The following SLC9A1 variants were observed in gnomAD, a reference collection of about 807,000 sequenced individuals.
SLC9A1 encodes the protein sodium/hydrogen exchanger 1.
SLC9A1 carries 22 observed loss-of-function variants against 67.9 expected under a neutral mutation model. The ratio of observed to expected loss-of-function variants is 0.32; its 90% CI spans 0.23 to 0.46. The LOEUF (loss-of-function observed/expected upper bound fraction) is 0.46, where lower values mean the gene tolerates loss of function less well. Ranked by LOEUF, SLC9A1 falls within the 20% of genes least tolerant of loss-of-function variation. SLC9A1 has a pLI of 1.00. For missense variants in SLC9A1, 686 were observed against 1,094.8 expected, an observed-to-expected ratio of 0.63 and a Z score of 5.27; for synonymous variants, 421 against 471.8, an observed-to-expected ratio of 0.89 and a Z score of 1.40.
chr1:27,119,406 C>A (rs951342040), intron 1 of SLC9A1, among the ~76,000 whole-genome samples: 1 of 152,178 alleles, frequency 6.6e-6, no homozygotes, highest in Non-Finnish European at 1.5e-5. Context: ...CGCCCTACTT[C>A]CAGGCCTGAG....
rs3765514 is a variant in SLC9A1 at position 27,099,891 on chromosome 1, C to T, written c.*416G>A. ...TTGTCCCCTGATAAAGCAGGGCCTA[C>T]TCAAGGGAGGCCTCAGCTCCCTCCC... On this transcript the variant is annotated 3_prime_UTR_variant, in exon 12 of 12. Coordinates refer to ENST00000263980, the MANE Select transcript of SLC9A1 (RefSeq NM_003047.5). 829 of 171,192 alleles carry T rather than the reference C, an allele frequency of 4.8e-3. 28 individuals carry two copies. The East Asian group carries it at 0.11, about 22-fold the overall frequency. The allele number at this position is 171,192 out of a possible 1,614,324, so 10.6% of individuals were successfully genotyped here.
chr1:27,107,459 G>A (rs1348839924), intron 4 of SLC9A1, among the ~76,000 whole-genome samples, 189 bp downstream of exon 4: 6 of 122,216 alleles, frequency 4.9e-5, no homozygotes, highest in Admixed American at 7.9e-5. Context: ...CACGCAATAC[G>A]CATACACACA....
chr1:27,147,834 A>G (rs2083499758), intron 1 of SLC9A1, among the ~76,000 whole-genome samples: 2 of 152,056 alleles, frequency 1.3e-5, no homozygotes, highest in African/African-American at 4.8e-5. Context: ...ATCCCTACTA[A>G]AAATACAAAA....
intron 1 of SLC9A1, among the ~76,000 whole-genome samples, chr1:27,141,708 G>C (rs1468346684): frequency 6.6e-6 from 1 of 152,228 alleles, no homozygotes; most frequent in African/African-American, 2.4e-5. Flanking sequence ...GCAGTGCTCA[G>C]TCAGGGAAGC....
In SLC9A1 at chr1:27,100,782, GC is replaced by G. The variant is rs756281745; in HGVS notation, c.2111-139del. On this transcript the variant is annotated intron_variant, in intron 11 of 11. Transcript: ENST00000263980. The surrounding 1 kb of genome is among the most constrained non-coding windows in gnomAD (Gnocchi z 5.6). ...CGGTCCCAACAGGCCTCAGAAGCAG[GC>G]CTCTGCGACCTTCCACCCCACAGCT... The G allele has an allele frequency of 2.4e-5, 17 of 701,564 alleles. No homozygotes were observed. The highest frequency in any genetic ancestry group is 3.9e-5 in the Non-Finnish European group (16 of 414,888). The allele number at this position is 701,564 out of a possible 1,614,324, so 43.5% of individuals were successfully genotyped here.
At chr1:27,149,513 A>C (rs3118069) in intron 1 of SLC9A1, among the ~76,000 whole-genome samples, 2,098 of 152,378 alleles carry the variant, frequency 0.014, 43 homozygotes, top group African/African-American at 0.045. Flanking sequence ...AGGGCAGGCA[A>C]GGCCTAATGC....
At chr1:27,150,042 A>C (rs2124218025) in intron 1 of SLC9A1, among the ~76,000 whole-genome samples, 1 of 152,316 alleles carries the variant, frequency 6.6e-6, no homozygotes, top group South Asian at 2.1e-4. Context: ...GAAAAAGGTC[A>C]TCGCTTCCTT....
chr1:27,125,936 G>C (rs984249989), intron 1 of SLC9A1, among the ~76,000 whole-genome samples: 5 of 152,024 alleles, frequency 3.3e-5, no homozygotes, highest in Admixed American at 2.6e-4. Context: ...TGAAAGGCAG[G>C]GACTACATCC....
At chr1:27,125,743 T>C (rs1274794575) in intron 1 of SLC9A1, among the ~76,000 whole-genome samples, 1 of 152,148 alleles carries the variant, frequency 6.6e-6, no homozygotes, top group Admixed American at 6.5e-5. Flanking sequence ...TATAGGCGTA[T>C]GCCACCACGT....
rs767640230 is a variant in SLC9A1 at position 27,106,046 on chromosome 1, C to G, written c.1324G>C (p.Val442Leu). ...LTWFINKFRIVKLTPKDQFII... is the reference protein window; with the variant it reads ...LTWFINKFRILKLTPKDQFII... ...AACTGGTCCTTGGGGGTCAGCTTCA[C>G]GATACGGAACTTGTTGATGAACCAG... is the stretch of plus-strand genomic sequence containing the variant. Residue 442 changes from valine (V) to leucine (L), a missense_variant, in exon 5 of 12, where the codon GTG becomes CTG. Val to Leu is a conservative substitution (Grantham distance 32). Coordinates refer to ENST00000263980, the MANE Select transcript of SLC9A1 (RefSeq NM_003047.5). The surrounding 1 kb of genome is among the most constrained non-coding windows in gnomAD (Gnocchi z 4.3). 2.5e-6 allele frequency: 4 copies of G among 1,613,392 alleles called. No individual in the cohort carries two copies. The highest frequency in any genetic ancestry group is 2.5e-6 in the Non-Finnish European group (3 of 1,179,988).
intron 1 of SLC9A1, among the ~76,000 whole-genome samples, chr1:27,146,119 GC>G: frequency 6.6e-6 from 1 of 152,142 alleles, no homozygotes; most frequent in Non-Finnish European, 1.5e-5. Context: ...GCAAAATGAG[GC>G]CCACACAGGC....
intron 1 of SLC9A1, among the ~76,000 whole-genome samples, chr1:27,136,147 G>T (rs1290469817): frequency 6.6e-6 from 1 of 152,208 alleles, no homozygotes; most frequent in Non-Finnish European, 1.5e-5. Flanking sequence ...CAGATGTGGG[G>T]ACCCCCTTAT....
chr1:27,121,117 G>A (rs1042323614), intron 1 of SLC9A1, among the ~76,000 whole-genome samples: 5 of 152,078 alleles, frequency 3.3e-5, no homozygotes, highest in South Asian at 4.1e-4. Flanking sequence ...CCCCATACCC[G>A]GGCAATCAGT....
chr1:27,120,982 T>C (rs2083301157), intron 1 of SLC9A1, among the ~76,000 whole-genome samples: 1 of 152,146 alleles, frequency 6.6e-6, no homozygotes, highest in South Asian at 2.1e-4. Flanking sequence ...CTTTGGGCCA[T>C]GCTGCTTCAA....
chr1:27,114,800 G>A lies in SLC9A1; in HGVS notation c.353-514C>T, dbSNP rs1310497204. On this transcript the variant is annotated intron_variant, in intron 1 of 11. Transcript: ENST00000263980. This position sits in a 1 kb window ranked among gnomAD's most constrained non-coding sequence, Gnocchi z 5.4. ...TGTTTAAGCAGAAGGCAGACAACCA[G>A]CTGGTGGGGAGTGGCATAGGAGACA... 1.1e-4 allele frequency among the ~76,000 whole-genome samples: 17 copies of A among 152,168 alleles called. No individual in the cohort carries two copies. Among genetic ancestry groups the A allele is most frequent in the South Asian group, 2.1e-4 (1 of 4,836 alleles).
Position 27,109,449 on chromosome 1 carries a change from C to T in SLC9A1, c.1064+78G>A. The T allele has an allele frequency of 6.6e-7, 1 of 1,509,416 alleles. No individual in the cohort carries two copies. Among genetic ancestry groups the T allele is most frequent in the Non-Finnish European group, 9.1e-7 (1 of 1,104,020 alleles). The allele number at this position is 1,509,416 out of a possible 1,614,324, so 93.5% of individuals were successfully genotyped here. ...GCTGGGCCCTGGGAGCTCCGTGAAC[C>T]TACGAGCCTGGGGAATCCAAGCTGG... On this transcript the variant is annotated intron_variant, in intron 3 of 11. Transcript: ENST00000263980. The surrounding 1 kb of genome is among the most constrained non-coding windows in gnomAD (Gnocchi z 5.5).
chr1:27,142,356 C>T (rs531377628), intron 1 of SLC9A1, among the ~76,000 whole-genome samples: 6 of 152,230 alleles, frequency 3.9e-5, no homozygotes, highest in Admixed American at 2.6e-4. Flanking sequence ...CTCCATTTCC[C>T]TTTGGGCCTG....
At chr1:27,102,914 C>G (rs1456004844) in intron 6 of SLC9A1, 171 bp from the exon 7 acceptor site, 2 of 654,398 alleles carry the variant, frequency 3.1e-6, no homozygotes, top group Admixed American at 2.5e-5. Flanking sequence ...CCCAGCGGCC[C>G]TGACTCTGGG....
At chr1:27,125,205 C>A (rs910858413) in intron 1 of SLC9A1, among the ~76,000 whole-genome samples, 1 of 145,118 alleles carries the variant, frequency 6.9e-6, no homozygotes, top group Non-Finnish European at 1.5e-5. Context: ...TCCAATCAGT[C>A]TCTCTTCTCT....
Sources: gnomAD v4.1 joint callset for allele counts (sites outside exome capture counted in the v4.1 genomes callset) on GRCh38, gnomAD v4.1.1 for gene constraint, Gnocchi (gnomAD v3.1) non-coding constraint, MANE v1.5 for transcripts, NCBI Gene and HGNC (gene_info 2026-07-23, HGNC 2026-07-21) for gene names.